PDCD10: variants seen among roughly 807,000 people sequenced by gnomAD.
PDCD10 encodes the protein programmed cell death protein 10.
Under a neutral mutation model 29.2 loss-of-function variants are expected in PDCD10, and 4 were observed. The ratio of observed to expected loss-of-function variants is 0.14; its 90% CI spans 0.07 to 0.31. The LOEUF (loss-of-function observed/expected upper bound fraction) is 0.31. Among genes scored for constraint, PDCD10 ranks in the 10% least tolerant of loss-of-function variants. PDCD10 has a pLI of 1.00. For missense variants in PDCD10, 183 were observed against 257.9 expected, an observed-to-expected ratio of 0.71 and a Z score of 1.99; for synonymous variants, 70 against 82.2, an observed-to-expected ratio of 0.85 and a Z score of 0.80.
chr3:167,693,674 G>T (rs1720495788), intron 6 of PDCD10, among the ~76,000 whole-genome samples: 1 of 152,084 alleles, frequency 6.6e-6, no homozygotes, highest in African/African-American at 2.4e-5. Context: ...CAGGTGTGGT[G>T]GCTCACTCCT....
intron 2 of PDCD10, among the ~76,000 whole-genome samples, chr3:167,727,739 T>C (rs1247840389): frequency 6.6e-6 from 1 of 152,222 alleles, no homozygotes; most frequent in Non-Finnish European, 1.5e-5. Context: ...CTACTTGCTT[T>C]GTATCACTTA....
At chr3:167,726,271 T>C (rs1461436518) in intron 2 of PDCD10, among the ~76,000 whole-genome samples, 3 of 152,008 alleles carry the variant, frequency 2.0e-5, no homozygotes, top group African/African-American at 7.2e-5. Context: ...GGCTATTTTG[T>C]ATTTTTAGTA....
intron 4 of PDCD10, among the ~76,000 whole-genome samples, chr3:167,704,311 T>C (rs1403803701): frequency 1.3e-5 from 2 of 152,148 alleles, no homozygotes; most frequent in East Asian, 3.8e-4. Flanking sequence ...CACTGTAACC[T>C]CAAACTCCTG....
chr3:167,700,309 C>G (rs925071749), intron 4 of PDCD10, among the ~76,000 whole-genome samples: 5 of 152,250 alleles, frequency 3.3e-5, no homozygotes, highest in Admixed American at 6.5e-5. Context: ...CCAGCCCTCA[C>G]ATATTTTTCT....
chr3:167,690,125 A>C (rs1720065023), intron 6 of PDCD10, among the ~76,000 whole-genome samples: 1 of 152,220 alleles, frequency 6.6e-6, no homozygotes, highest in Non-Finnish European at 1.5e-5. Context: ...ATTCTGTGAT[A>C]AGAGGCAGAT....
At chr3:167,725,371 G>A (rs1324526730) in intron 2 of PDCD10, 1 of 151,940 alleles carries the variant, frequency 6.6e-6, no homozygotes, top group African/African-American at 2.4e-5. Flanking sequence ...AGCGGGGTGG[G>A]GTTAACATTT....
chr3:167,704,935 C>A, intron 3 of PDCD10, 40 bp from the exon 4 acceptor site: 1 of 1,314,668 alleles, frequency 7.6e-7, no homozygotes, highest in Non-Finnish European at 1.1e-6. Flanking sequence ...TATCAACTTT[C>A]TTGGAAAAAG....
At chr3:167,733,252 G>A (rs1215086610) in intron 2 of PDCD10, among the ~76,000 whole-genome samples, 1 of 152,162 alleles carries the variant, frequency 6.6e-6, no homozygotes, top group African/African-American at 2.4e-5. Flanking sequence ...ATGCTAACCT[G>A]TATGGATATA....
At chr3:167,693,661 G>C (rs949284456) in intron 6 of PDCD10, among the ~76,000 whole-genome samples, 10 of 152,092 alleles carry the variant, frequency 6.6e-5, no homozygotes, top group Non-Finnish European at 1.5e-5. Context: ...AGTAATTTAA[G>C]GCCAGGTGTG....
At chr3:167,704,330 C>T (rs1448952897) in intron 4 of PDCD10, among the ~76,000 whole-genome samples, 4 of 152,106 alleles carry the variant, frequency 2.6e-5, no homozygotes, top group African/African-American at 7.2e-5. Flanking sequence ...TGGGCTCTAG[C>T]AATCCTCCTG....
At chr3:167,691,740 A>G (rs1358063260) in intron 6 of PDCD10, among the ~76,000 whole-genome samples, 4 of 152,230 alleles carry the variant, frequency 2.6e-5, no homozygotes, top group South Asian at 2.1e-4. Context: ...CAGAAACTCT[A>G]TTTTTCAATC....
At chr3:167,697,834 T>C in intron 4 of PDCD10, 1 of 434,516 alleles carries the variant, frequency 2.3e-6, no homozygotes, top group Non-Finnish European at 4.6e-6. Context: ...AGACTGGGCA[T>C]AGAGTTCTGA....
At chr3:167,717,578 T>C (rs1220945912) in intron 3 of PDCD10, among the ~76,000 whole-genome samples, 1 of 151,948 alleles carries the variant, frequency 6.6e-6, no homozygotes, top group Non-Finnish European at 1.5e-5. Flanking sequence ...TGATTAGGTA[T>C]CTTATTTATA....
At chr3:167,701,643 G>A (rs1379797157) in intron 4 of PDCD10, among the ~76,000 whole-genome samples, 1 of 152,146 alleles carries the variant, frequency 6.6e-6, no homozygotes, top group Non-Finnish European at 1.5e-5. Context: ...TACATCAGGG[G>A]ATCAAGAACC....
chr3:167,704,439 G>A (rs1039005060), intron 4 of PDCD10: 5 of 169,788 alleles, frequency 2.9e-5, no homozygotes, highest in Non-Finnish European at 5.1e-5. Context: ...TACGGCCCAG[G>A]CTGGTCTTGA....
chr3:167,699,610 C>A (rs745571695), intron 4 of PDCD10, among the ~76,000 whole-genome samples: 13 of 152,096 alleles, frequency 8.5e-5, no homozygotes, highest in Non-Finnish European at 1.8e-4. Context: ...CAACATGAAC[C>A]CTGTAGGGTG....
chr3:167,685,214 ACCAG>A (rs1719464982), intron 8 of PDCD10, among the ~76,000 whole-genome samples: 1 of 152,018 alleles, frequency 6.6e-6, no homozygotes, highest in Admixed American at 6.6e-5. Context: ...GGAGTGTGAG[ACCAG>A]CCTGGCCAAC....
rs552153341 is a variant in PDCD10 at position 167,698,090 on chromosome 3, A to C, written c.151-964T>G. On this transcript the variant is annotated intron_variant, in intron 4 of 8. Coordinates refer to ENST00000392750, the MANE Select transcript of PDCD10 (RefSeq NM_007217.4). ...AACCTCCGCCTCTTCAATTCCATTG[A>C]TTATCACTGCAGATACAGTTTTCTT... 8 of 430,396 alleles carry C rather than the reference A, an allele frequency of 1.9e-5. No individual in the cohort carries two copies. The East Asian group carries it at 3.6e-4, about 19-fold the overall frequency. 26.7% of individuals were successfully genotyped at this position (430,396 alleles called of 1,614,324 possible).
At chr3:167,690,720 C>G (rs1720137326) in intron 6 of PDCD10, among the ~76,000 whole-genome samples, 1 of 152,194 alleles carries the variant, frequency 6.6e-6, no homozygotes, top group African/African-American at 2.4e-5. Context: ...ATCCTCATTT[C>G]ACAATGTTAT....
Sources: allele counts gnomAD v4.1 joint callset (sites outside exome capture counted in the v4.1 genomes callset), GRCh38; gene constraint gnomAD v4.1.1; transcripts MANE v1.5; gene names NCBI Gene and HGNC (gene_info 2026-07-23, HGNC 2026-07-21).